Variants in TIAM1 observed in about 807,000 individuals in gnomAD.
TIAM1 encodes rho guanine nucleotide exchange factor TIAM1.
Under a neutral mutation model 163.5 loss-of-function variants are expected in TIAM1, and 65 were observed. The observed-to-expected ratio is 0.40, with a 90% CI of 0.33 to 0.49. TIAM1 has a LOEUF of 0.49. TIAM1 is among the 20% of genes least tolerant of loss of function. TIAM1 has a pLI of 0.77. For missense variants in TIAM1, 1,789 were observed against 2,044.7 expected (o/e 0.87, Z 2.41); for synonymous variants, 833 against 810.1 (o/e 1.03, Z -0.48).
chr21:31,396,704 C>T (rs2077077202), intron 2 of TIAM1, among the ~76,000 whole-genome samples: 1 of 151,530 alleles, frequency 6.6e-6, no homozygotes, highest in Admixed American at 6.6e-5. Flanking sequence ...AATGCCAGCA[C>T]TTTGGGAGGC....
intron 2 of TIAM1, among the ~76,000 whole-genome samples, chr21:31,367,942 A>T (rs1602109403): frequency 6.6e-6 from 1 of 152,224 alleles, no homozygotes; most frequent in East Asian, 1.9e-4. Context: ...AGACCTAAAA[A>T]ACAACATCTG....
rs1340388978 is a variant in TIAM1, at chr21:31,118,460, T to C, written c.*1908A>G. On this transcript the variant is annotated 3_prime_UTR_variant, in exon 28 of 28. Transcript: ENST00000541036. ...ATTGTTTGACAAGCATTTACAACGT[T>C]CCATTCATAGACCTAAAAACATAAA... 1.0e-5 allele frequency: 4 copies of C among 399,992 alleles called. No individual in the cohort carries two copies. Among genetic ancestry groups the C allele is most frequent in the Non-Finnish European group, 2.0e-5 (4 of 198,272 alleles). The allele number at this position is 399,992 out of a possible 1,614,324, so 24.8% of individuals were successfully genotyped here.
At chr21:31,381,027 T>G (rs971863824) in intron 2 of TIAM1, among the ~76,000 whole-genome samples, 52 of 152,200 alleles carry the variant, frequency 3.4e-4, no homozygotes, top group African/African-American at 1.1e-3. Flanking sequence ...AAACAGTAAC[T>G]TTATAAGTAA....
rs767546875 is a variant in TIAM1 at position 31,182,521 on chromosome 21, C to T, written c.2787G>A (p.Glu929=). 8 of 1,613,880 alleles carry T rather than the reference C, an allele frequency of 5.0e-6. No individual in the cohort carries two copies. Among genetic ancestry groups the T allele is most frequent in the Non-Finnish European group, 6.8e-6 (8 of 1,179,888 alleles). The change falls in exon 15 of 28, where the codon GAG becomes GAA. Residue 929 remains glutamate, a synonymous_variant. Coordinates refer to ENST00000541036, the MANE Select transcript of TIAM1 (RefSeq NM_001353694.2). ...SLGLLVRTYP[E]LEEGVELLES... ...CCAGCAGCTCCACTCCTTCCTCCAG[C>T]TCGGGGTAGGTCCTCACCAGGAGGC... is the stretch of plus-strand genomic sequence containing the variant.
intron 1 of TIAM1, among the ~76,000 whole-genome samples, chr21:31,556,041 G>C (rs151039434): frequency 6.6e-6 from 1 of 152,272 alleles, no homozygotes; most frequent in East Asian, 1.9e-4. Context: ...ACGAGCATTA[G>C]AGTGGAGTTA....
At chr21:31,231,010 C>T (rs1375666194) in intron 6 of TIAM1, among the ~76,000 whole-genome samples, 1 of 151,812 alleles carries the variant, frequency 6.6e-6, no homozygotes, top group African/African-American at 2.4e-5. Flanking sequence ...AACTTTCTGG[C>T]CCCCTCTGAA....
chr21:31,410,206 G>GTA (rs1491511708), intron 2 of TIAM1, among the ~76,000 whole-genome samples: 4 of 105,514 alleles, frequency 3.8e-5, no homozygotes, highest in African/African-American at 2.5e-4. Context: ...GTGATTGTGA[G>GTA]TGTGTGTGAG....
intron 16 of TIAM1, among the ~76,000 whole-genome samples, chr21:31,155,291 C>T (rs779010013): frequency 3.6e-4 from 55 of 152,224 alleles, no homozygotes; most frequent in Non-Finnish European, 6.2e-4. Flanking sequence ...TCCAACTTGG[C>T]TGCTTATGAG....
At chr21:31,329,156 C>A (rs1318606999) in intron 2 of TIAM1, among the ~76,000 whole-genome samples, 1 of 152,140 alleles carries the variant, frequency 6.6e-6, no homozygotes, top group East Asian at 1.9e-4. Flanking sequence ...CTGGAACGAA[C>A]CCCCCACAAA....
intron 2 of TIAM1, among the ~76,000 whole-genome samples, chr21:31,320,721 C>T (rs1490256133): frequency 6.6e-6 from 1 of 152,180 alleles, no homozygotes; most frequent in Non-Finnish European, 1.5e-5. Context: ...GGGCTGGGCG[C>T]GGCGGCTCAC....
chr21:31,142,005 G>A (rs748520360), intron 20 of TIAM1, among the ~76,000 whole-genome samples: 4 of 152,068 alleles, frequency 2.6e-5, no homozygotes, highest in Non-Finnish European at 4.4e-5. Context: ...ATCTCAGGGT[G>A]GGGAGCACAC....
At position 31,223,597 on chromosome 21, in the gene TIAM1, G is replaced by T. The variant is rs753232102; in HGVS notation, c.1810-6C>A. ...TTTTGCTCCCAGACAAAGATCTATG[G>T]TAGTGAAAACACGGGAAAAGAAAAA... On this transcript the variant is annotated splice_polypyrimidine_tract_variant and splice_region_variant and intron_variant, in intron 7 of 27. Coordinates refer to ENST00000541036, the MANE Select transcript of TIAM1 (RefSeq NM_001353694.2). The T allele has an allele frequency of 6.3e-7, 1 of 1,580,062 alleles. No individual in the cohort carries two copies.
At chr21:31,424,732 AACTGT>A (rs2043720545) in intron 2 of TIAM1, among the ~76,000 whole-genome samples, 1 of 152,226 alleles carries the variant, frequency 6.6e-6, no homozygotes. Context: ...AATGTAAATT[AACTGT>A]ACTGAACTGT....
intron 8 of TIAM1, 93 bp from the exon 9 acceptor site, chr21:31,217,792 A>C (rs1601590990): frequency 6.8e-7 from 1 of 1,475,878 alleles, no homozygotes; most frequent in Admixed American, 2.1e-5. Context: ...CCTTCAAAAA[A>C]CCCTCCTCCA....
chr21:31,408,569 A>G (rs192516221), intron 2 of TIAM1, among the ~76,000 whole-genome samples: 153 of 152,384 alleles, frequency 1.0e-3, no homozygotes, highest in African/African-American at 3.4e-3. Context: ...AGTCTCCACT[A>G]TCATGCTATT....
intron 2 of TIAM1, among the ~76,000 whole-genome samples, chr21:31,303,844 G>A (rs957169937): frequency 6.6e-5 from 10 of 152,010 alleles, no homozygotes; most frequent in Admixed American, 2.6e-4. Context: ...CAGGCGTAGC[G>A]GCATGCACCT....
intron 1 of TIAM1, among the ~76,000 whole-genome samples, chr21:31,551,124 G>T (rs1018300771): frequency 6.6e-6 from 1 of 152,194 alleles, no homozygotes; most frequent in African/African-American, 2.4e-5. Context: ...TGAGGCAAGA[G>T]AATCGCTTGA....
At chr21:31,218,730 A>T (rs952913265) in intron 8 of TIAM1, among the ~76,000 whole-genome samples, 1 of 152,112 alleles carries the variant, frequency 6.6e-6, no homozygotes, top group Non-Finnish European at 1.5e-5. Context: ...ACTGTGCTCA[A>T]TGGGAGGGGG....
At chr21:31,381,021 A>C (rs933853811) in intron 2 of TIAM1, among the ~76,000 whole-genome samples, 1 of 152,236 alleles carries the variant, frequency 6.6e-6, no homozygotes, top group African/African-American at 2.4e-5. Flanking sequence ...GCACTCAAAC[A>C]GTAACTTTAT....
Sources: gnomAD v4.1 joint callset for allele counts (sites outside exome capture counted in the v4.1 genomes callset) on GRCh38, gnomAD v4.1.1 for gene constraint, MANE v1.5 for transcripts, NCBI Gene and HGNC (gene_info 2026-07-23, HGNC 2026-07-21) for gene names.